Variants in GAB2 observed in about 807,000 individuals in gnomAD.
GAB2 encodes the protein GRB2-associated-binding protein 2.
In GAB2, 26 loss-of-function variants were observed where a neutral mutation model predicts 65.5. That is an observed-to-expected ratio of 0.40 (90% confidence interval 0.29 to 0.55). GAB2 has a LOEUF of 0.55. Ranked by LOEUF, GAB2 falls within the 20% of genes least tolerant of loss-of-function variation. GAB2 has a pLI of 0.53. For synonymous variants in GAB2, 321 were observed against 329.6 expected (o/e 0.97, Z 0.28); for missense variants, 884 against 875.8 (o/e 1.01, Z -0.12).
At chr11:78,263,149 C>A (rs940235444) in intron 2 of GAB2, among the ~76,000 whole-genome samples, 1 of 152,194 alleles carries the variant, frequency 6.6e-6, no homozygotes, top group Admixed American at 6.5e-5. Flanking sequence ...ACCAAGGATA[C>A]AGATTTAAGC....
intron 1 of GAB2, among the ~76,000 whole-genome samples, chr11:78,362,192 A>G (rs1228742473): frequency 6.6e-6 from 1 of 152,142 alleles, no homozygotes; most frequent in Admixed American, 6.5e-5. Flanking sequence ...ATTCTAACAT[A>G]TCTAATATGT....
chr11:78,416,289 C>T (rs1358876316), intron 1 of GAB2, among the ~76,000 whole-genome samples: 2 of 152,072 alleles, frequency 1.3e-5, no homozygotes, highest in African/African-American at 4.8e-5. Context: ...GATTTTTTTC[C>T]CCCAGCAAAC....
chr11:78,299,106 G>A (rs1333230934), intron 1 of GAB2, among the ~76,000 whole-genome samples: 2 of 152,070 alleles, frequency 1.3e-5, no homozygotes, highest in Admixed American at 1.3e-4. Context: ...ACTATTCAAG[G>A]ACCCTATTTT....
chr11:78,410,591 C>T (rs1479551073), intron 1 of GAB2, among the ~76,000 whole-genome samples: 1 of 152,172 alleles, frequency 6.6e-6, no homozygotes, highest in African/African-American at 2.4e-5. Context: ...ACTACAGACC[C>T]TGCAGACACT....
intron 1 of GAB2, among the ~76,000 whole-genome samples, chr11:78,375,998 T>C (rs182646172): frequency 5.9e-5 from 9 of 152,278 alleles, no homozygotes; most frequent in Admixed American, 3.9e-4. Flanking sequence ...CTGTTTCCCA[T>C]AGTCTAACAG....
At chr11:78,348,524 C>T (rs1261695838) in intron 1 of GAB2, among the ~76,000 whole-genome samples, 4 of 152,122 alleles carry the variant, frequency 2.6e-5, no homozygotes, top group Non-Finnish European at 5.9e-5. Context: ...CAAATGAAAA[C>T]CACAATGAAT....
chr11:78,278,642 G>A (rs1049493546), intron 2 of GAB2, among the ~76,000 whole-genome samples: 2 of 151,914 alleles, frequency 1.3e-5, no homozygotes, highest in Non-Finnish European at 2.9e-5. Flanking sequence ...GCCTCCCAAA[G>A]TGCTGGGATT....
At chr11:78,343,879 C>T (rs1402907924) in intron 1 of GAB2, among the ~76,000 whole-genome samples, 3 of 151,892 alleles carry the variant, frequency 2.0e-5, no homozygotes, top group African/African-American at 7.3e-5. Flanking sequence ...GTATTTGATA[C>T]TTGCAGCACA....
rs1555091340 is a variant in GAB2 at position 78,216,197 on chromosome 11, C to CTATT, written c.*3071_*3074dup. On this transcript the variant is annotated 3_prime_UTR_variant, in exon 10 of 10. Coordinates refer to ENST00000361507, the MANE Select transcript of GAB2 (RefSeq NM_080491.3). ...AAGGACTTAAGGAGACACCATCTCC[C>CTATT]TATTTCTCATCGTTCTCACTTGACT... 1 of 152,468 alleles carries CTATT rather than the reference C, an allele frequency of 6.6e-6. No homozygotes were observed. Among genetic ancestry groups the CTATT allele is most frequent in the Admixed American group, 6.5e-5 (1 of 15,286 alleles). The allele number at this position is 152,468 out of a possible 1,614,324, so 9.4% of individuals were successfully genotyped here.
At position 78,414,670 on chromosome 11, in the gene GAB2, T is replaced by C. The variant is rs1025101127; in HGVS notation, c.75+2976A>G. On this transcript the variant is annotated intron_variant, in intron 1 of 9. Transcript: ENST00000361507. ...CCATATCAGGATGCCCCAGAGGCAA[T>C]AGTCAGCATTTTCCAGAGACACTTT... Among the ~76,000 whole-genome samples, 18 of 152,158 alleles carry C rather than the reference T, an allele frequency of 1.2e-4. 1 individual carries two copies. Among genetic ancestry groups the C allele is most frequent in the Admixed American group, 2.0e-4 (3 of 15,270 alleles).
intron 2 of GAB2, among the ~76,000 whole-genome samples, chr11:78,257,079 A>G (rs558645748): frequency 2.7e-5 from 4 of 148,716 alleles, no homozygotes; most frequent in African/African-American, 1.0e-4. Context: ...TTCCACAATC[A>G]CCCCTGGGAA....
chr11:78,354,587 C>G (rs1266298418), intron 1 of GAB2, among the ~76,000 whole-genome samples: 1 of 152,134 alleles, frequency 6.6e-6, no homozygotes, highest in East Asian at 1.9e-4. Flanking sequence ...AGGAAATCAT[C>G]TATGCCAAAG....
At chr11:78,416,260 C>T (rs1235860061) in intron 1 of GAB2, among the ~76,000 whole-genome samples, 2 of 152,210 alleles carry the variant, frequency 1.3e-5, no homozygotes, top group Non-Finnish European at 2.9e-5. Flanking sequence ...ACTTTCAAAA[C>T]TCATGTGCTA....
rs1864081865 is a variant in GAB2 at position 78,215,567 on chromosome 11, T to G, written c.*3705A>C. On this transcript the variant is annotated 3_prime_UTR_variant, in exon 10 of 10. Transcript: ENST00000361507. ...CAAGACAAGAACTCAAGACTGGGCTTCCACTAGCCCATTTTCTCTTCCTGA... is the reference window on the plus strand; with the variant it reads ...CAAGACAAGAACTCAAGACTGGGCTGCCACTAGCCCATTTTCTCTTCCTGA... The G allele has an allele frequency of 6.6e-6, 1 of 152,522 alleles. No homozygotes were observed. The highest frequency in any genetic ancestry group is 1.5e-5 in the Non-Finnish European group (1 of 68,044). 9.4% of individuals were successfully genotyped at this position (152,522 alleles called of 1,614,324 possible).
At chr11:78,398,962 A>G (rs1287716928) in intron 1 of GAB2, among the ~76,000 whole-genome samples, 1 of 152,244 alleles carries the variant, frequency 6.6e-6, no homozygotes, top group Non-Finnish European at 1.5e-5. Context: ...ACTTTCAATA[A>G]GGATAACAAC....
chr11:78,289,587 G>A lies in GAB2; in HGVS notation c.76-8686C>T, dbSNP rs141475499. Among the ~76,000 whole-genome samples the A allele has an allele frequency of 2.0e-3, 302 of 152,222 alleles. 1 individual carries two copies. The highest frequency in any genetic ancestry group is 7.1e-3 in the African/African-American group (293 of 41,538). On this transcript the variant is annotated intron_variant, in intron 1 of 9. Coordinates refer to ENST00000361507, the MANE Select transcript of GAB2 (RefSeq NM_080491.3). ...TACAATATTTACAAAGTTTCAGGAA[G>A]TTAAGACATTAATATATATCCCTAA...
intron 1 of GAB2, among the ~76,000 whole-genome samples, chr11:78,307,310 T>C (rs1855383921): frequency 6.6e-6 from 1 of 152,156 alleles, no homozygotes; most frequent in Non-Finnish European, 1.5e-5. Context: ...GTTGATTCTA[T>C]GTTGTGAAGT....
At chr11:78,270,271 T>C (rs564409501) in intron 2 of GAB2, among the ~76,000 whole-genome samples, 6 of 151,134 alleles carry the variant, frequency 4.0e-5, no homozygotes, top group African/African-American at 1.2e-4. Flanking sequence ...AGGGTGGAGG[T>C]TGCAGTGAGC....
Position 78,263,636 on chromosome 11 carries a change from G to GGA in GAB2, c.377-13237_377-13236insTC, listed in dbSNP as rs373795221. 6.2e-5 allele frequency among the ~76,000 whole-genome samples: 8 copies of GGA among 129,178 alleles called. No homozygotes were observed. The East Asian group carries it at 9.0e-4, about 15-fold the overall frequency. The allele number at this position is 129,178 out of a possible 152,430, so 84.7% of individuals were successfully genotyped here. A position where few individuals can be genotyped will look rare whatever the true frequency, so the allele number is the denominator to read the frequency against. On this transcript the variant is annotated intron_variant, in intron 2 of 9. Coordinates refer to ENST00000361507, the MANE Select transcript of GAB2 (RefSeq NM_080491.3). Reference sequence around the variant, plus strand: ...CGACAGAGTGAGACTCTGTCTGGGGGAAAAAAAAAAAAAAAAAATCAACAG... The same window carrying GGA: ...CGACAGAGTGAGACTCTGTCTGGGGGGAAAAAAAAAAAAAAAAAAATCAACAG...
Sources: allele counts gnomAD v4.1 joint callset (sites outside exome capture counted in the v4.1 genomes callset), GRCh38; gene constraint gnomAD v4.1.1; transcripts MANE v1.5; gene names NCBI Gene and HGNC (gene_info 2026-07-23, HGNC 2026-07-21).